The following GRXCR1 variants were observed in gnomAD, a reference collection of about 807,000 sequenced individuals.
GRXCR1 encodes the protein glutaredoxin and cysteine rich domain containing 1.
GRXCR1 carries 27 observed loss-of-function variants against 27.3 expected under a neutral mutation model. That is an observed-to-expected ratio of 0.99 (90% CI 0.73 to 1.37). GRXCR1 has a LOEUF of 1.37. GRXCR1 is among the 40% of genes most tolerant of loss of function. The probability of loss-of-function intolerance (pLI) is 0.00; values close to 1 mark genes in which losing one functional copy is unlikely to be tolerated. For missense variants in GRXCR1, 379 were observed against 354.4 expected, an observed-to-expected ratio of 1.07 and a Z score of -0.56; for synonymous variants, 122 against 131.1, an observed-to-expected ratio of 0.93 and a Z score of 0.47.
intron 1 of GRXCR1, among the ~76,000 whole-genome samples, chr4:42,903,308 A>ATT (rs35512711): frequency 0.023 from 1,448 of 63,222 alleles, 127 homozygotes; most frequent in Non-Finnish European, 0.034. Context: ...AGCTTTGTAG[A>ATT]TTTTTTTTTT....
intron 2 of GRXCR1, among the ~76,000 whole-genome samples, chr4:42,973,890 C>T (rs569961596): frequency 2.0e-5 from 3 of 152,278 alleles, no homozygotes; most frequent in African/African-American, 7.2e-5. Context: ...GATGCACACT[C>T]AGTAAACATT....
chr4:42,983,331 G>A (rs1231904753), intron 2 of GRXCR1, among the ~76,000 whole-genome samples: 5 of 145,468 alleles, frequency 3.4e-5, no homozygotes, highest in Non-Finnish European at 7.5e-5. Context: ...CCCATTGCTT[G>A]TTTTTCTCAG....
At chr4:42,908,383 C>A (rs1384800670) in intron 1 of GRXCR1, among the ~76,000 whole-genome samples, 10 of 152,132 alleles carry the variant, frequency 6.6e-5, no homozygotes, top group Non-Finnish European at 1.3e-4. Flanking sequence ...GTAGCTATCT[C>A]CTGCATCTTG....
intron 1 of GRXCR1, among the ~76,000 whole-genome samples, chr4:42,938,861 C>A (rs540771424): frequency 1.8e-4 from 27 of 146,786 alleles, no homozygotes; most frequent in Admixed American, 3.4e-4. Flanking sequence ...CATTGGTCTA[C>A]GTGTCTGTTT....
At chr4:42,940,579 C>G (rs1263660503) in intron 1 of GRXCR1, among the ~76,000 whole-genome samples, 1 of 151,986 alleles carries the variant, frequency 6.6e-6, no homozygotes, top group East Asian at 1.9e-4. Context: ...TTGTTACTTT[C>G]TATGATTAGA....
Position 42,979,176 on chromosome 4 carries a change from C to T in GRXCR1, c.627+16042C>T, listed in dbSNP as rs539474109. 9.2e-5 allele frequency among the ~76,000 whole-genome samples: 14 copies of T among 151,966 alleles called. No individual in the cohort carries two copies. The South Asian group carries it at 2.5e-3, about 27-fold the overall frequency. ...CTGATTTGAATGCTTTTTATTTATT[C>T]GTTTCTCTTACCTAATTGTTATGGC... is the stretch of plus-strand genomic sequence containing the variant. On this transcript the variant is annotated intron_variant, in intron 2 of 3. Coordinates refer to ENST00000399770, the MANE Select transcript of GRXCR1 (RefSeq NM_001080476.3).
intron 1 of GRXCR1, among the ~76,000 whole-genome samples, chr4:42,914,676 G>C (rs1461573989): frequency 6.6e-6 from 1 of 152,092 alleles, no homozygotes; most frequent in Non-Finnish European, 1.5e-5. Context: ...GATTTGGGAG[G>C]GTTTAGGGTT....
At chr4:43,002,728 C>T (rs1255346155) in intron 2 of GRXCR1, among the ~76,000 whole-genome samples, 3 of 151,396 alleles carry the variant, frequency 2.0e-5, no homozygotes, top group Non-Finnish European at 4.4e-5. Flanking sequence ...TTCCTTCTTC[C>T]TGTACCCTTT....
intron 1 of GRXCR1, among the ~76,000 whole-genome samples, chr4:42,921,613 G>T (rs1315217378): frequency 1.3e-5 from 2 of 151,956 alleles, no homozygotes; most frequent in Non-Finnish European, 2.9e-5. Flanking sequence ...AGCTTATTTA[G>T]TGTGAATTTG....
intron 3 of GRXCR1, among the ~76,000 whole-genome samples, chr4:43,025,041 CAAA>C (rs1294099096): frequency 2.0e-5 from 3 of 152,100 alleles, no homozygotes; most frequent in Non-Finnish European, 4.4e-5. Flanking sequence ...TTCCTGATCT[CAAA>C]GAAGACATGA....
intron 1 of GRXCR1, among the ~76,000 whole-genome samples, chr4:42,894,249 G>A (rs948184934): frequency 2.0e-5 from 3 of 152,034 alleles, no homozygotes; most frequent in African/African-American, 7.2e-5. Context: ...TGTACAGACT[G>A]AGATCTAGAT....
chr4:42,981,270 A>T (rs1748660907), intron 2 of GRXCR1, among the ~76,000 whole-genome samples: 2 of 151,910 alleles, frequency 1.3e-5, no homozygotes, highest in African/African-American at 4.8e-5. Context: ...TATTTTTATA[A>T]CAAGTTATTT....
chr4:42,922,901 A>C (rs1054565814), intron 1 of GRXCR1, among the ~76,000 whole-genome samples: 3 of 152,064 alleles, frequency 2.0e-5, no homozygotes, highest in Admixed American at 2.0e-4. Context: ...CTGGCTTCAC[A>C]GTGCTAAATA....
intron 1 of GRXCR1, among the ~76,000 whole-genome samples, chr4:42,941,351 T>C (rs1178670101): frequency 6.6e-6 from 1 of 152,076 alleles, no homozygotes; most frequent in African/African-American, 2.4e-5. Flanking sequence ...TCAGGAATTG[T>C]AAGTAACCTG....
chr4:43,007,241 T>A (rs1211217883), intron 2 of GRXCR1, among the ~76,000 whole-genome samples: 2 of 152,148 alleles, frequency 1.3e-5, no homozygotes, highest in African/African-American at 4.8e-5. Flanking sequence ...TTTTGTATAT[T>A]CAAGCATGTG....
chr4:42,999,910 G>T (rs563409786), intron 2 of GRXCR1, among the ~76,000 whole-genome samples: 1 of 152,142 alleles, frequency 6.6e-6, no homozygotes, highest in Non-Finnish European at 1.5e-5. Flanking sequence ...TTAGTTTCTG[G>T]TTAATGTGTC....
At chr4:42,989,020 TTC>T (rs1711871041) in intron 2 of GRXCR1, among the ~76,000 whole-genome samples, 1 of 152,206 alleles carries the variant, frequency 6.6e-6, no homozygotes, top group Non-Finnish European at 1.5e-5. Context: ...CCACAGGCTG[TTC>T]TCTGTTACAT....
chr4:42,950,216 C>A (rs893421852), intron 1 of GRXCR1, among the ~76,000 whole-genome samples: 1 of 152,080 alleles, frequency 6.6e-6, no homozygotes, highest in African/African-American at 2.4e-5. Flanking sequence ...ATGGTTAATG[C>A]GGGGCTCTCT....
intron 1 of GRXCR1, among the ~76,000 whole-genome samples, chr4:42,923,657 T>C (rs761279597): frequency 3.9e-5 from 6 of 152,220 alleles, no homozygotes; most frequent in Admixed American, 3.9e-4. Flanking sequence ...CATGCTTCTA[T>C]GCCTCCATCT....
Sources: allele counts gnomAD v4.1 joint callset (sites outside exome capture counted in the v4.1 genomes callset), GRCh38; gene constraint gnomAD v4.1.1; transcripts MANE v1.5; gene names NCBI Gene and HGNC (gene_info 2026-07-23, HGNC 2026-07-21).